Variants in PSMA8 observed in about 807,000 individuals in gnomAD.
PSMA8 encodes the protein proteasome subunit alpha-type 8.
PSMA8 carries 18 observed loss-of-function variants against 32.4 expected under a neutral mutation model. That is an observed-to-expected ratio of 0.56 (90% CI 0.38 to 0.82). PSMA8 has a LOEUF of 0.82. PSMA8 is among the 40% of genes least tolerant of loss of function. The pLI is 0.00. For synonymous variants in PSMA8, 104 were observed against 98.1 expected (o/e 1.06, Z -0.36); for missense variants, 298 against 300.7 (o/e 0.99, Z 0.07).
chr18:26,191,296 A>G (rs1337372533), intron 6 of PSMA8, among the ~76,000 whole-genome samples: 1 of 152,096 alleles, frequency 6.6e-6, no homozygotes, highest in African/African-American at 2.4e-5. Context: ...TTATATTTAG[A>G]TTTTTGTATA....
intron 2 of PSMA8, 22 bp downstream of exon 2, chr18:26,144,707 T>A: frequency 6.2e-7 from 1 of 1,611,856 alleles, no homozygotes; most frequent in Non-Finnish European, 8.5e-7. Context: ...CCTACAATAA[T>A]GATGCATAGT....
At chr18:26,190,727 G>A (rs1344885860) in intron 6 of PSMA8, among the ~76,000 whole-genome samples, 2 of 152,190 alleles carry the variant, frequency 1.3e-5, no homozygotes, top group South Asian at 2.1e-4. Context: ...TCAGCTGTAG[G>A]CAGCAGAGCA....
intron 4 of PSMA8, among the ~76,000 whole-genome samples, chr18:26,162,639 G>A (rs1227112710): frequency 6.6e-6 from 1 of 152,124 alleles, no homozygotes; most frequent in Non-Finnish European, 1.5e-5. Flanking sequence ...GCCGAGGTGG[G>A]CAGATCACAA....
chr18:26,145,788 T>G (rs2054998055), intron 2 of PSMA8, among the ~76,000 whole-genome samples: 1 of 152,204 alleles, frequency 6.6e-6, no homozygotes, highest in African/African-American at 2.4e-5. Context: ...TATTTCCAAT[T>G]TTTGACTATT....
At chr18:26,156,181 A>G (rs553078812) in intron 3 of PSMA8, among the ~76,000 whole-genome samples, 1 of 152,348 alleles carries the variant, frequency 6.6e-6, no homozygotes, top group South Asian at 2.1e-4. Context: ...AGAAAGGGGA[A>G]CTCCCATACG....
chr18:26,185,968 A>G (rs1437492259), intron 6 of PSMA8, among the ~76,000 whole-genome samples: 1 of 150,330 alleles, frequency 6.7e-6, no homozygotes, highest in Non-Finnish European at 1.5e-5. Context: ...CTGGATGGGC[A>G]TGGTGGCTCA....
At chr18:26,152,404 A>G (rs2055053823) in intron 3 of PSMA8, among the ~76,000 whole-genome samples, 1 of 152,104 alleles carries the variant, frequency 6.6e-6, no homozygotes, top group South Asian at 2.1e-4. Context: ...GGCCCACTGC[A>G]GCCTCGACCT....
intron 2 of PSMA8, among the ~76,000 whole-genome samples, chr18:26,145,332 G>A (rs1025545432): frequency 4.6e-5 from 7 of 152,174 alleles, no homozygotes; most frequent in Non-Finnish European, 8.8e-5. Context: ...TGGTCAGGCT[G>A]GTCTTGAACT....
chr18:26,143,089 A>G (rs1329667424), intron 1 of PSMA8, among the ~76,000 whole-genome samples: 2 of 152,094 alleles, frequency 1.3e-5, no homozygotes, highest in African/African-American at 4.8e-5. Flanking sequence ...ATCTTCTTTC[A>G]TTTTGCTTAA....
intron 2 of PSMA8, among the ~76,000 whole-genome samples, chr18:26,149,806 A>G (rs997450979): frequency 2.0e-5 from 3 of 152,226 alleles, no homozygotes; most frequent in African/African-American, 7.2e-5. Context: ...AGACCTAAAC[A>G]TAAGAGCTGA....
chr18:26,166,254 T>C (rs1434790062), intron 4 of PSMA8, among the ~76,000 whole-genome samples: 4 of 152,182 alleles, frequency 2.6e-5, no homozygotes, highest in Admixed American at 6.5e-5. Flanking sequence ...AAGTGGCAGA[T>C]TTCAAAATGT....
At chr18:26,163,593 G>A (rs978691820) in intron 4 of PSMA8, among the ~76,000 whole-genome samples, 3 of 152,126 alleles carry the variant, frequency 2.0e-5, no homozygotes, top group Non-Finnish European at 2.9e-5. Context: ...GAGCACCAAC[G>A]TGACTACGCT....
chr18:26,145,601 A>G (rs905329745), intron 2 of PSMA8, among the ~76,000 whole-genome samples: 1 of 152,218 alleles, frequency 6.6e-6, no homozygotes, highest in African/African-American at 2.4e-5. Context: ...AGAATGTTAT[A>G]TGGATAAAGT....
At chr18:26,163,337 C>T (rs1053181509) in intron 4 of PSMA8, among the ~76,000 whole-genome samples, 2 of 148,400 alleles carry the variant, frequency 1.3e-5, no homozygotes, top group African/African-American at 5.0e-5. Context: ...CAGGGAAGGT[C>T]CCTTTGAAAA....
chr18:26,177,242 G>A (rs1368198176), intron 4 of PSMA8, among the ~76,000 whole-genome samples: 1 of 152,158 alleles, frequency 6.6e-6, no homozygotes, highest in African/African-American at 2.4e-5. Flanking sequence ...CAAGAGATAT[G>A]TTTGGTTGTC....
chr18:26,172,156 C>A (rs1051908112), intron 4 of PSMA8, among the ~76,000 whole-genome samples: 1 of 152,114 alleles, frequency 6.6e-6, no homozygotes, highest in Admixed American at 6.6e-5. Flanking sequence ...TCTGACAGCC[C>A]AAGGCACATG....
chr18:26,165,217 C>A (rs1307807367), intron 4 of PSMA8, among the ~76,000 whole-genome samples: 1 of 152,118 alleles, frequency 6.6e-6, no homozygotes, highest in East Asian at 1.9e-4. Context: ...CCGAGAACAA[C>A]TTTGTTTTAA....
intron 6 of PSMA8, among the ~76,000 whole-genome samples, chr18:26,186,547 C>G (rs566434588): frequency 6.6e-6 from 1 of 152,238 alleles, no homozygotes; most frequent in African/African-American, 2.4e-5. Flanking sequence ...TATTCTCTGA[C>G]CTATCCTTGG....
In PSMA8 at chr18:26,149,449, T is replaced by C. The variant is rs191510777; in HGVS notation, c.230-2409T>C. 3.3e-4 allele frequency among the ~76,000 whole-genome samples: 50 copies of C among 152,322 alleles called. No homozygotes were observed. The East Asian group carries it at 9.0e-3, about 28-fold the overall frequency. ...GATTTTTTTAAATAAAAAAGAATTA[T>C]GACATTCATATGGAATGACAAAACA... On this transcript the variant is annotated intron_variant, in intron 2 of 6. Coordinates refer to ENST00000415576, the MANE Select transcript of PSMA8 (RefSeq NM_001025096.2).
Sources: gnomAD v4.1 joint callset for allele counts (sites outside exome capture counted in the v4.1 genomes callset) on GRCh38, gnomAD v4.1.1 for gene constraint, MANE v1.5 for transcripts, NCBI Gene and HGNC (gene_info 2026-07-23, HGNC 2026-07-21) for gene names.